DOCK2: variants seen among roughly 807,000 people sequenced by gnomAD.
The protein encoded by DOCK2 is dedicator of cytokinesis protein 2.
Under a neutral mutation model 248.9 loss-of-function variants are expected in DOCK2, and 87 were observed. That is an observed-to-expected ratio of 0.35 (90% CI 0.29 to 0.42). The LOEUF is 0.42. Among genes scored for constraint, DOCK2 ranks in the 10% least tolerant of loss-of-function variants. The probability of loss-of-function intolerance (pLI) is 1.00; values close to 1 mark genes in which losing one functional copy is unlikely to be tolerated. For synonymous variants in DOCK2, 805 were observed against 821.6 expected (o/e 0.98, Z 0.35); for missense variants, 1,747 against 2,300.2 (o/e 0.76, Z 4.92).
At chr5:169,954,685 C>T (rs1776792892) in intron 27 of DOCK2, among the ~76,000 whole-genome samples, 1 of 152,166 alleles carries the variant, frequency 6.6e-6, no homozygotes. Context: ...GAATCCTGGG[C>T]CCTTTCAAAC....
In DOCK2 at chr5:170,046,320, T is replaced by A. The variant is rs184782663; in HGVS notation, c.3966+415T>A. Among the ~76,000 whole-genome samples, 853 of 152,298 alleles carry A rather than the reference T, an allele frequency of 5.6e-3. 4 individuals are homozygous for A. Among genetic ancestry groups the A allele is most frequent in the South Asian group, 0.022 (107 of 4,824 alleles). On this transcript the variant is annotated intron_variant, in intron 39 of 51. Transcript: ENST00000520908. ...CCCCATCTGGTTACTCCCATTAGCA[T>A]CTCCATGCTCAGGATTTGGTGGGGG...
intron 26 of DOCK2, among the ~76,000 whole-genome samples, chr5:169,810,109 A>G (rs1161750801): frequency 6.6e-6 from 1 of 152,058 alleles, no homozygotes; most frequent in Non-Finnish European, 1.5e-5. Flanking sequence ...TATCTGAAGG[A>G]AGGAATAAAT....
intron 23 of DOCK2, among the ~76,000 whole-genome samples, chr5:169,756,301 C>T (rs1331935371): frequency 6.6e-6 from 1 of 152,208 alleles, no homozygotes; most frequent in Admixed American, 6.5e-5. Context: ...CCTCCAAAGT[C>T]CTGGAATGAC....
intron 26 of DOCK2, among the ~76,000 whole-genome samples, chr5:169,828,810 C>G (rs1411624417): frequency 2.0e-5 from 3 of 152,186 alleles, no homozygotes; most frequent in East Asian, 3.9e-4. Context: ...ATCTCCTATT[C>G]GAACTTAAAT....
At chr5:169,699,945 G>T in intron 12 of DOCK2, 69 bp from the exon 13 acceptor site, 1 of 1,593,258 alleles carries the variant, frequency 6.3e-7, no homozygotes. Flanking sequence ...GAGGGGAGAG[G>T]TGGCGGGAGG....
intron 27 of DOCK2, among the ~76,000 whole-genome samples, chr5:169,977,787 A>T (rs1777768534): frequency 6.6e-6 from 1 of 152,180 alleles, no homozygotes; most frequent in Non-Finnish European, 1.5e-5. Context: ...GCTCCCAATT[A>T]CAATTCTGAA....
chr5:169,740,665 T>C (rs1763259021), intron 22 of DOCK2, among the ~76,000 whole-genome samples: 1 of 152,252 alleles, frequency 6.6e-6, no homozygotes. Context: ...CTGTGGCCTC[T>C]AGGGCTGCTT....
chr5:169,851,897 C>T (rs1485849325), intron 27 of DOCK2, among the ~76,000 whole-genome samples: 1 of 152,170 alleles, frequency 6.6e-6, no homozygotes, highest in Non-Finnish European at 1.5e-5. Context: ...CCAGGTCCCT[C>T]CCTCAACACA....
rs1035317335 is a variant in DOCK2, at chr5:170,077,642, G to T, written c.4867-68G>T. 3.1e-6 allele frequency: 5 copies of T among 1,593,650 alleles called. No individual in the cohort carries two copies. In the East Asian group the frequency reaches 9.0e-5, roughly 29 times the overall value. ...CTGCCCTGCCTAGGTGGAGGAAGAAGGTGACAGGAAGGCTGGGGCCACCTT... is the reference window on the plus strand; with the variant it reads ...CTGCCCTGCCTAGGTGGAGGAAGAATGTGACAGGAAGGCTGGGGCCACCTT... On this transcript the variant is annotated intron_variant, in intron 47 of 51. Coordinates refer to ENST00000520908, the MANE Select transcript of DOCK2 (RefSeq NM_004946.3).
chr5:169,946,271 C>G (rs578083079), intron 27 of DOCK2, among the ~76,000 whole-genome samples: 1 of 152,190 alleles, frequency 6.6e-6, no homozygotes, highest in Non-Finnish European at 1.5e-5. Context: ...TCCAGCCCCC[C>G]ACATCCAGCC....
chr5:169,702,593 C>G lies in DOCK2; in HGVS notation c.1383+166C>G, dbSNP rs1466000985. 5 of 902,572 alleles carry G rather than the reference C, an allele frequency of 5.5e-6. No homozygotes were observed. In the East Asian group the frequency reaches 9.0e-5, roughly 16 times the overall value. The allele number at this position is 902,572 out of a possible 1,614,324, so 55.9% of individuals were successfully genotyped here. On this transcript the variant is annotated intron_variant, in intron 14 of 51. Coordinates refer to ENST00000520908, the MANE Select transcript of DOCK2 (RefSeq NM_004946.3). ...TTTTGAGCTTGGTTAGTGCAGTGTTCCATAATAAGACCTTGTGATATTTCC... is the reference window on the plus strand; with the variant it reads ...TTTTGAGCTTGGTTAGTGCAGTGTTGCATAATAAGACCTTGTGATATTTCC...
intron 9 of DOCK2, chr5:169,695,172 C>T (rs67646715): frequency 0.018 from 2,805 of 152,492 alleles, 39 homozygotes; most frequent in Middle Eastern, 0.061. Flanking sequence ...AGACAGTGAG[C>T]GCACCCGTGC....
chr5:169,699,301 G>A (rs2113457193), intron 11 of DOCK2, 81 bp from the exon 12 acceptor site: 4 of 1,401,802 alleles, frequency 2.9e-6, no homozygotes, highest in Non-Finnish European at 4.0e-6. Flanking sequence ...GGCGTGTGGA[G>A]GGGCTGGGGA....
At chr5:169,963,828 G>A (rs1197204017) in intron 27 of DOCK2, among the ~76,000 whole-genome samples, 7 of 152,102 alleles carry the variant, frequency 4.6e-5, no homozygotes, top group African/African-American at 9.7e-5. Flanking sequence ...CAGAGTCCCC[G>A]GGAAGGCTGG....
At chr5:169,789,483 T>C (rs996813797) in intron 25 of DOCK2, among the ~76,000 whole-genome samples, 17 of 152,258 alleles carry the variant, frequency 1.1e-4, no homozygotes, top group African/African-American at 3.9e-4. Context: ...TTAGTACACA[T>C]GGACTGTTCA....
At chr5:169,840,664 C>A (rs1371085083) in intron 26 of DOCK2, 93 bp from the exon 27 acceptor site, 1 of 1,065,258 alleles carries the variant, frequency 9.4e-7, no homozygotes, top group East Asian at 2.6e-5. Flanking sequence ...TGTTGAAGAT[C>A]ACCATGTCTG....
intron 27 of DOCK2, among the ~76,000 whole-genome samples, chr5:169,897,586 C>T (rs969812305): frequency 2.6e-5 from 4 of 152,272 alleles, no homozygotes; most frequent in Admixed American, 2.6e-4. Flanking sequence ...GTAGGGTTGC[C>T]CTGTAATATT....
At chr5:170,045,754 C>T (rs868130152) in intron 38 of DOCK2, 62 bp from the exon 39 acceptor site, 1 of 1,520,162 alleles carries the variant, frequency 6.6e-7, no homozygotes, top group Non-Finnish European at 9.1e-7. Context: ...GTCCCTTCCT[C>T]AGCAAGCGCT....
chr5:169,859,978 T>TC (rs1561770585), intron 27 of DOCK2, among the ~76,000 whole-genome samples: 2 of 147,770 alleles, frequency 1.4e-5, no homozygotes, highest in East Asian at 3.9e-4. Context: ...TTTTTTTTCT[T>TC]TTTTTTTTTT....
Sources: gnomAD v4.1 joint callset for allele counts (sites outside exome capture counted in the v4.1 genomes callset) on GRCh38, gnomAD v4.1.1 for gene constraint, MANE v1.5 for transcripts, NCBI Gene and HGNC (gene_info 2026-07-23, HGNC 2026-07-21) for gene names.